The following RNF8 variants were observed in gnomAD, a reference collection of about 807,000 sequenced individuals.
RNF8 encodes the protein E3 ubiquitin-protein ligase RNF8.
A neutral mutation model predicts 59.3 loss-of-function variants in RNF8; 8 were observed. The observed-to-expected ratio is 0.13, with a 90% CI of 0.08 to 0.24. The LOEUF (loss-of-function observed/expected upper bound fraction) is 0.24, where lower values mean the gene tolerates loss of function less well. RNF8 is among the 10% of genes least tolerant of loss of function. The pLI, the probability that RNF8 is intolerant of heterozygous loss-of-function variation, is 1.00. For missense variants in RNF8, 406 were observed against 572.6 expected (o/e 0.71, Z 2.97); for synonymous variants, 162 against 200.0 (o/e 0.81, Z 1.60).
intron 7 of RNF8, among the ~76,000 whole-genome samples, chr6:37,388,681 G>C (rs1770605295): frequency 6.6e-6 from 1 of 151,962 alleles, no homozygotes; most frequent in African/African-American, 2.4e-5. Context: ...GCACATGCCT[G>C]TCCTCACAGC....
chr6:37,377,901 CTTAT>C (rs1242124604), intron 6 of RNF8, among the ~76,000 whole-genome samples: 2 of 152,148 alleles, frequency 1.3e-5, no homozygotes, highest in Non-Finnish European at 2.9e-5. Context: ...TTTGCACTGG[CTTAT>C]TTATTTATTT....
intron 2 of RNF8, among the ~76,000 whole-genome samples, chr6:37,368,081 C>A (rs559743176): frequency 6.6e-6 from 1 of 152,318 alleles, no homozygotes; most frequent in East Asian, 1.9e-4. Flanking sequence ...GCATTTGAAA[C>A]TACTTCATGG....
At chr6:37,387,478 C>T (rs1447613314) in intron 7 of RNF8, among the ~76,000 whole-genome samples, 1 of 152,134 alleles carries the variant, frequency 6.6e-6, no homozygotes, top group Non-Finnish European at 1.5e-5. Context: ...GTAGCTGGGG[C>T]TACAGGCGTG....
intron 6 of RNF8, 129 bp downstream of exon 6, chr6:37,377,162 TC>T: frequency 1.7e-6 from 1 of 572,758 alleles, no homozygotes; most frequent in Non-Finnish European, 3.1e-6. Context: ...AACCTCCACT[TC>T]CTGGGCTCAA....
At chr6:37,380,997 A>G (rs147081479) in intron 6 of RNF8, among the ~76,000 whole-genome samples, 153 bp from the exon 7 acceptor site, 156 of 152,192 alleles carry the variant, frequency 1.0e-3, no homozygotes, top group African/African-American at 3.7e-3. Flanking sequence ...CCCAAGAATG[A>G]TTCTGATACT....
At chr6:37,377,409 G>A (rs1426900635) in intron 6 of RNF8, among the ~76,000 whole-genome samples, 1 of 152,070 alleles carries the variant, frequency 6.6e-6, no homozygotes, top group Non-Finnish European at 1.5e-5. Context: ...CCTGAATGAA[G>A]CCTGGGCTAC....
chr6:37,381,449 C>G, intron 7 of RNF8, 95 bp downstream of exon 7: 2 of 1,110,858 alleles, frequency 1.8e-6, no homozygotes, highest in South Asian at 3.0e-5. Context: ...GTCAGATAAA[C>G]AATTCTTGAA....
intron 1 of RNF8, among the ~76,000 whole-genome samples, chr6:37,359,809 A>G (rs1191699120): frequency 6.6e-6 from 1 of 152,246 alleles, no homozygotes; most frequent in African/African-American, 2.4e-5. Context: ...TGTAATAGAA[A>G]TTAAGTTTAT....
At chr6:37,373,596 T>G (rs1769894103) in intron 4 of RNF8, among the ~76,000 whole-genome samples, 1 of 152,082 alleles carries the variant, frequency 6.6e-6, no homozygotes, top group Non-Finnish European at 1.5e-5. Context: ...TTGGTAGAGA[T>G]GAGGTTTCAC....
chr6:37,364,961 G>T (rs575348179), intron 2 of RNF8, among the ~76,000 whole-genome samples: 1 of 152,062 alleles, frequency 6.6e-6, no homozygotes, highest in Non-Finnish European at 1.5e-5. Flanking sequence ...GTAGAGGTGG[G>T]TTTCACCATG....
chr6:37,370,522 G>A (rs906979980), intron 3 of RNF8, among the ~76,000 whole-genome samples: 17 of 152,230 alleles, frequency 1.1e-4, no homozygotes, highest in Admixed American at 7.9e-4. Context: ...TGTTAAAGGC[G>A]AAAGGATTGG....
At position 37,391,544 on chromosome 6, in the gene RNF8, G is replaced by C. The variant is rs552522692; in HGVS notation, c.*786G>C. 1.3e-5 allele frequency: 2 copies of C among 152,114 alleles called. No homozygotes were observed. Among genetic ancestry groups the C allele is most frequent in the Non-Finnish European group, 2.9e-5 (2 of 68,018 alleles). The allele number at this position is 152,114 out of a possible 1,614,324, so 9.4% of individuals were successfully genotyped here. ...TGTTTCCAAATCTATTTTATCTGAC[G>C]TCATGAACACACAGGCAATGATTTT... On this transcript the variant is annotated 3_prime_UTR_variant, in exon 8 of 8. Coordinates refer to ENST00000373479, the MANE Select transcript of RNF8 (RefSeq NM_003958.4).
intron 4 of RNF8, among the ~76,000 whole-genome samples, chr6:37,372,900 T>C (rs1186437138): frequency 6.6e-6 from 1 of 152,132 alleles, no homozygotes; most frequent in Non-Finnish European, 1.5e-5. Flanking sequence ...ACCCGGGATG[T>C]GGAGGTTGTA....
Position 37,390,986 on chromosome 6 carries a change from G to C in RNF8, c.*228G>C. 1.5e-6 allele frequency: 1 copy of C among 650,534 alleles called. No homozygotes were observed. The allele number at this position is 650,534 out of a possible 1,614,324, so 40.3% of individuals were successfully genotyped here. On this transcript the variant is annotated 3_prime_UTR_variant, in exon 8 of 8. Coordinates refer to ENST00000373479, the MANE Select transcript of RNF8 (RefSeq NM_003958.4). ...GGATTCACGGCACCCAACTGCTTCA[G>C]GGTACTTCGTAGACTCTGCCTCACT...
chr6:37,378,349 C>T (rs1055426940), intron 6 of RNF8, among the ~76,000 whole-genome samples: 4 of 152,002 alleles, frequency 2.6e-5, no homozygotes, highest in Non-Finnish European at 2.9e-5. Context: ...GCCTATAATC[C>T]GAGCACTTTG....
At chr6:37,358,968 G>A (rs533959827) in intron 1 of RNF8, among the ~76,000 whole-genome samples, 341 of 152,118 alleles carry the variant, frequency 2.2e-3, no homozygotes, top group African/African-American at 7.6e-3. Flanking sequence ...GTGGTGGTGC[G>A]TGCCTGTAAT....
At position 37,392,251 on chromosome 6, in the gene RNF8, TC is replaced by T. The variant is rs1358677919; in HGVS notation, c.*1497del. 7.6e-6 allele frequency: 3 copies of T among 392,492 alleles called. No homozygotes were observed. The highest frequency in any genetic ancestry group is 6.2e-5 in the African/African-American group (3 of 48,654). The allele number at this position is 392,492 out of a possible 1,614,324, so 24.3% of individuals were successfully genotyped here. ...CACCTTGATTTAATAACTTCTTGTT[TC>T]CCCATACATGTGTTTTGTTTATAGA... is the stretch of plus-strand genomic sequence containing the variant. On this transcript the variant is annotated 3_prime_UTR_variant, in exon 8 of 8. Coordinates refer to ENST00000373479, the MANE Select transcript of RNF8 (RefSeq NM_003958.4).
intron 7 of RNF8, among the ~76,000 whole-genome samples, chr6:37,385,350 G>A (rs992316442): frequency 1.3e-5 from 2 of 151,288 alleles, no homozygotes; most frequent in Non-Finnish European, 3.0e-5. Context: ...TATGCAGGGC[G>A]GGTGCTGTGG....
rs1264666949 is a variant in RNF8, at chr6:37,391,683, G to A, written c.*925G>A. On this transcript the variant is annotated 3_prime_UTR_variant, in exon 8 of 8. Transcript: ENST00000373479. ...AATTTTAATTTTTGAAACAAGATCTGACTCTGTTGCCCAAGCTGGAGTACA... is the reference window on the plus strand; with the variant it reads ...AATTTTAATTTTTGAAACAAGATCTAACTCTGTTGCCCAAGCTGGAGTACA... The A allele has an allele frequency of 3.9e-5, 6 of 152,034 alleles. No individual in the cohort carries two copies. The highest frequency in any genetic ancestry group is 7.4e-5 in the Non-Finnish European group (5 of 67,978). 9.4% of individuals were successfully genotyped at this position (152,034 alleles called of 1,614,324 possible). A position where few individuals can be genotyped will look rare whatever the true frequency, so the allele number is the denominator to read the frequency against.
Sources: allele counts gnomAD v4.1 joint callset (sites outside exome capture counted in the v4.1 genomes callset), GRCh38; gene constraint gnomAD v4.1.1; transcripts MANE v1.5; gene names NCBI Gene and HGNC (gene_info 2026-07-23, HGNC 2026-07-21).